MYH7B: variants seen among roughly 807,000 people sequenced by gnomAD.
MYH7B encodes the protein myosin-7B.
In MYH7B, 205 loss-of-function variants were observed where a neutral mutation model predicts 234.5. The observed-to-expected ratio is 0.87, with a 90% CI of 0.78 to 0.98. MYH7B has a LOEUF of 0.98. MYH7B is among the 50% of genes least tolerant of loss of function. MYH7B has a pLI of 0.00. For synonymous variants in MYH7B, 1,193 were observed against 1,105.0 expected, an observed-to-expected ratio of 1.08 and a Z score of -1.58; for missense variants, 2,652 against 2,633.4, an observed-to-expected ratio of 1.01 and a Z score of -0.15.
intron 1 of MYH7B, among the ~76,000 whole-genome samples, chr20:34,957,465 G>A (rs1212032818): frequency 6.7e-6 from 1 of 149,728 alleles, no homozygotes; most frequent in African/African-American, 2.5e-5. Flanking sequence ...CCAACCCAGG[G>A]ACCAAGATCC....
At position 34,999,540 on chromosome 20, in the gene MYH7B, G is replaced by C. The variant is rs2082328111; in HGVS notation, c.4541-31G>C. The C allele has an allele frequency of 3.8e-6, 6 of 1,569,706 alleles. No homozygotes were observed. The East Asian group carries it at 1.3e-4, about 35-fold the overall frequency. ...ACCTGGGTGGGAGTACAAGCCATGG[G>C]GGTGGCCTCTCAGCACCCTGTCCAC... On this transcript the variant is annotated intron_variant, in intron 36 of 44. Coordinates refer to ENST00000262873, the Ensembl canonical transcript of MYH7B.
chr20:34,996,415 G>A (rs761766597), exon 29 of MYH7B: 3 of 1,613,306 alleles, frequency 1.9e-6, no homozygotes, highest in Non-Finnish European at 2.5e-6. Context: ...GGAGAAGAAG[G>A]CGTTGCAGGA....
chr20:34,991,105 A>G (rs2082138523), exon 24 of MYH7B: 1 of 1,610,518 alleles, frequency 6.2e-7, no homozygotes, highest in Non-Finnish European at 8.5e-7. Flanking sequence ...GTTGCTCTAC[A>G]CCGACTTCCG....
intron 3 of MYH7B, among the ~76,000 whole-genome samples, chr20:34,976,356 C>G (rs868306862): frequency 2.6e-5 from 4 of 152,220 alleles, no homozygotes; most frequent in African/African-American, 4.8e-5. Flanking sequence ...CCGTGTGAGC[C>G]TGGTCTGGCC....
At position 34,999,334 on chromosome 20, in the gene MYH7B, G is replaced by A. The variant is rs776021924; in HGVS notation, c.4469G>A (p.Arg1490Gln). The change falls in exon 36 of 45, where the codon CGG becomes CAG. Residue 1490 changes from arginine (R) to glutamine (Q), a missense_variant. This residue lies in a region of MYH7B where 2,279 missense variants were observed against 2,211.4 expected (regional missense o/e 1.03). Transcript: ENST00000262873. ...CGTGGCCTGGGCACCGAGCTCTTCC[G>A]GCTGCGGCACGGCCACGAGGAGGCA... is the stretch of plus-strand genomic sequence containing the variant. 3.1e-5 allele frequency: 48 copies of A among 1,564,600 alleles called. 1 individual carries two copies. Among genetic ancestry groups the A allele is most frequent in the Middle Eastern group, 3.4e-4 (2 of 5,924 alleles).
chr20:34,978,918 C>G (rs1166012546), intron 5 of MYH7B, among the ~76,000 whole-genome samples: 1 of 152,196 alleles, frequency 6.6e-6, no homozygotes, highest in East Asian at 1.9e-4. Context: ...CCTCAAAGCT[C>G]TGGGGACAGC....
intron 10 of MYH7B, 84 bp downstream of exon 10, chr20:34,982,639 CT>C: frequency 8.0e-7 from 1 of 1,251,114 alleles, no homozygotes; most frequent in Non-Finnish European, 1.1e-6. Flanking sequence ...TTTTTTCCCC[CT>C]TTTTAAAAAT....
At chr20:34,995,337 A>T in exon 28 of MYH7B, 1 of 1,612,136 alleles carries the variant, frequency 6.2e-7, no homozygotes, top group Non-Finnish European at 8.5e-7. Context: ...GCCCTCCAGG[A>T]GCAGGACAAC....
chr20:34,994,536 CT>C lies in MYH7B; in HGVS notation c.2700+136del, dbSNP rs1306657638. ...TTCCAAAGATGCCATGAGATGAGGC[CT>C]CCATGTCCCAGCCTCACCACCCCAA... is the stretch of plus-strand genomic sequence containing the variant. On this transcript the variant is annotated intron_variant, in intron 27 of 44. Coordinates refer to ENST00000262873, the Ensembl canonical transcript of MYH7B. 3 of 1,118,978 alleles carry C rather than the reference CT, an allele frequency of 2.7e-6. No homozygotes were observed. In the African/African-American group the frequency reaches 4.7e-5, roughly 18 times the overall value. The allele number at this position is 1,118,978 out of a possible 1,614,324, so 69.3% of individuals were successfully genotyped here.
At chr20:34,996,466 G>A in exon 29 of MYH7B, 4 of 1,613,252 alleles carry the variant, frequency 2.5e-6, no homozygotes, top group Non-Finnish European at 3.4e-6. Flanking sequence ...GGCCGAGGAG[G>A]ACCGTGTGAG....
chr20:34,960,572 C>T (rs1386708235), intron 2 of MYH7B, among the ~76,000 whole-genome samples: 1 of 152,202 alleles, frequency 6.6e-6, no homozygotes, highest in African/African-American at 2.4e-5. Context: ...TCTCTGTCAG[C>T]CCCAGGGTCT....
Position 34,987,756 on chromosome 20 carries a change from C to T in MYH7B, c.1267-9C>T, listed in dbSNP as rs1569044321. On this transcript the variant is annotated splice_polypyrimidine_tract_variant and intron_variant, in intron 17 of 44. Transcript: ENST00000262873. ...GCCAGGTCCCAGCCCAGCCTCCCTG[C>T]ACCTCCAGGTGGTGTTTGCTGTGGG... The T allele has an allele frequency of 6.2e-7, 1 of 1,614,132 alleles. No homozygotes were observed. The highest frequency in any genetic ancestry group is 1.7e-5 in the Admixed American group (1 of 60,010).
In MYH7B at chr20:34,998,377, T is replaced by G. The variant is rs554062457; in HGVS notation, c.3830T>G (p.Leu1277Arg). Residue 1277 changes from leucine to arginine, a missense_variant, in exon 33 of 45, where the codon CTG becomes CGG. Physicochemically the swap from Leu to Arg is moderately radical, Grantham distance 102. Coordinates refer to ENST00000262873, the Ensembl canonical transcript of MYH7B. ...AAGGTGGAGGAGCTGCAGCGGCAGC[T>G]GGCGGACGCAAGCACGCAGCGTGGG... 1.9e-6 allele frequency: 3 copies of G among 1,613,678 alleles called. No individual in the cohort carries two copies. The African/African-American group carries it at 4.0e-5, about 21-fold the overall frequency.
At chr20:34,959,479 T>G (rs1192955111) in intron 2 of MYH7B, among the ~76,000 whole-genome samples, 1 of 113,462 alleles carries the variant, frequency 8.8e-6, no homozygotes, top group Admixed American at 7.8e-5. Flanking sequence ...TTTTCTTTCT[T>G]TCTTTTTTTT....
intron 23 of MYH7B, 33 bp from the exon 24 acceptor site, chr20:34,990,971 T>C (rs1355160197): frequency 1.9e-6 from 3 of 1,590,992 alleles, no homozygotes; most frequent in East Asian, 4.5e-5. Flanking sequence ...GGTGTGCCTG[T>C]TGACCTCTGA....
intron 10 of MYH7B, 80 bp downstream of exon 10, chr20:34,982,635 C>T (rs1353741310): frequency 6.5e-4 from 699 of 1,079,456 alleles, no homozygotes; most frequent in Middle Eastern, 9.5e-4. Flanking sequence ...TTTTTTTTTT[C>T]CCCCTTTTTA....
chr20:34,989,165 A>G (rs547810806), intron 19 of MYH7B, among the ~76,000 whole-genome samples: 29 of 152,312 alleles, frequency 1.9e-4, no homozygotes, highest in Non-Finnish European at 3.2e-4. Context: ...TTTTCTCTGA[A>G]AATGTATTTT....
rs2082329841 is a variant in MYH7B at position 34,999,650 on chromosome 20, GGAAGGCGA to G, written c.4625_4632del (p.Gly1542GlufsTer2). 1.2e-6 allele frequency: 2 copies of G among 1,613,682 alleles called. No individual in the cohort carries two copies. Among genetic ancestry groups the G allele is most frequent in the Admixed American group, 3.3e-5 (2 of 59,970 alleles). ...AACTGGAGAAAACCAAGAAGGCGCT[GGAAGGCGA>G]GAAGAGTGAGATCCAGGCTGCACTG... is the stretch of plus-strand genomic sequence containing the variant. On this transcript the variant is annotated frameshift_variant, in exon 37 of 45. Transcript: ENST00000262873. LOFTEE classifies it high-confidence loss of function.
intron 5 of MYH7B, 72 bp from the exon 6 acceptor site, chr20:34,979,318 C>G: frequency 3.3e-6 from 4 of 1,227,586 alleles, no homozygotes; most frequent in African/African-American, 1.5e-5. Context: ...GATACCATGG[C>G]TTGGGAACTC....
Sources: gnomAD v4.1 joint callset for allele counts (sites outside exome capture counted in the v4.1 genomes callset) on GRCh38, gnomAD v4.1.1 for gene constraint, gnomAD v4.1.1 regional missense constraint, MANE v1.5 for transcripts, NCBI Gene and HGNC (gene_info 2026-07-23, HGNC 2026-07-21) for gene names.